The following BCAS3 variants were observed in gnomAD, a reference collection of about 807,000 sequenced individuals.
BCAS3 encodes BCAS4/BCAS3 fusion.
A neutral mutation model predicts 116.1 loss-of-function variants in BCAS3; 53 were observed. The ratio of observed to expected loss-of-function variants is 0.46; its 90% CI spans 0.37 to 0.57. The LOEUF (loss-of-function observed/expected upper bound fraction) is 0.57, where lower values mean the gene tolerates loss of function less well. Among genes scored for constraint, BCAS3 ranks in the 20% least tolerant of loss-of-function variants. BCAS3 has a pLI of 0.00. For synonymous variants in BCAS3, 391 were observed against 408.2 expected (o/e 0.96, Z 0.51); for missense variants, 917 against 1,165.4 (o/e 0.79, Z 3.10).
intron 11 of BCAS3, among the ~76,000 whole-genome samples, chr17:60,908,484 A>G (rs1567842831): frequency 6.6e-6 from 1 of 152,182 alleles, no homozygotes; most frequent in African/African-American, 2.4e-5. Flanking sequence ...ATTAGCATTA[A>G]TGGAGTGAGT....
At chr17:60,832,995 T>C (rs960138648) in intron 7 of BCAS3, among the ~76,000 whole-genome samples, 3 of 152,200 alleles carry the variant, frequency 2.0e-5, no homozygotes, top group South Asian at 2.1e-4. Flanking sequence ...TTCTATACAA[T>C]GTAAAATACA....
At chr17:60,856,360 G>C (rs1277861443) in intron 7 of BCAS3, among the ~76,000 whole-genome samples, 1 of 152,168 alleles carries the variant, frequency 6.6e-6, no homozygotes, top group Non-Finnish European at 1.5e-5. Flanking sequence ...TTGTAGCTAA[G>C]TATAATTATT....
At chr17:61,091,874 G>T (rs1195905872) in intron 22 of BCAS3, among the ~76,000 whole-genome samples, 1 of 152,302 alleles carries the variant, frequency 6.6e-6, no homozygotes, top group East Asian at 1.9e-4. Context: ...CACCTCTGAA[G>T]ATGTTTTTAA....
At chr17:60,802,589 A>G (rs2047911540) in intron 6 of BCAS3, among the ~76,000 whole-genome samples, 1 of 152,088 alleles carries the variant, frequency 6.6e-6, no homozygotes, top group African/African-American at 2.4e-5. Context: ...CTGTTTGCAC[A>G]TGATTGTCAG....
intron 23 of BCAS3, among the ~76,000 whole-genome samples, chr17:61,369,764 C>T (rs1225228602): frequency 6.6e-6 from 1 of 152,232 alleles, no homozygotes; most frequent in Non-Finnish European, 1.5e-5. Flanking sequence ...TGTCATCATG[C>T]CACTGTTCTC....
rs1471696309 is a variant in BCAS3, at chr17:61,007,254, A to T, written c.1487-8497A>T. On this transcript the variant is annotated intron_variant, in intron 15 of 23. Transcript: ENST00000407086. This position sits in a 1 kb window ranked among gnomAD's most constrained non-coding sequence, Gnocchi z 4.3. ...TTGATTTCATCTCCTTTTCTAGGGA[A>T]TTTTTGCCTCCTAAGTTTTCAATAT... Among the ~76,000 whole-genome samples the T allele has an allele frequency of 1.3e-5, 2 of 151,918 alleles. No homozygotes were observed. Among genetic ancestry groups the T allele is most frequent in the Non-Finnish European group, 2.9e-5 (2 of 67,948 alleles).
At chr17:61,005,818 T>A (rs913989634) in intron 15 of BCAS3, among the ~76,000 whole-genome samples, 2 of 151,782 alleles carry the variant, frequency 1.3e-5, no homozygotes, top group African/African-American at 4.8e-5. Context: ...TTATTATACT[T>A]TAAGTTTTAG....
chr17:61,149,583 AT>A (rs1347180370), intron 22 of BCAS3, among the ~76,000 whole-genome samples: 4 of 152,256 alleles, frequency 2.6e-5, no homozygotes, highest in Non-Finnish European at 5.9e-5. Flanking sequence ...CATATGAGAG[AT>A]TTGTGAACAG....
rs772707440 is a variant in BCAS3 at position 61,302,675 on chromosome 17, G to C, written c.2426-65652G>C. Among the ~76,000 whole-genome samples the C allele has an allele frequency of 1.3e-5, 2 of 152,132 alleles. No individual in the cohort carries two copies. The highest frequency in any genetic ancestry group is 1.3e-4 in the Admixed American group (2 of 15,274). ...TACATTGATGAGTGACAGAATTCTA[G>C]AATTCATATTTTTTTTTCAGCTTTG... On this transcript the variant is annotated intron_variant, in intron 22 of 23. Transcript: ENST00000407086. This position sits in a 1 kb window ranked among gnomAD's most constrained non-coding sequence, Gnocchi z 4.4.
intron 22 of BCAS3, among the ~76,000 whole-genome samples, chr17:61,202,230 C>T (rs985296382): frequency 1.1e-4 from 17 of 150,816 alleles, no homozygotes; most frequent in South Asian, 2.1e-4. Context: ...CTCTGCCTCC[C>T]GGGTTCACGC....
chr17:61,148,140 CTG>C (rs968033173), intron 22 of BCAS3, among the ~76,000 whole-genome samples: 1 of 152,024 alleles, frequency 6.6e-6, no homozygotes, highest in Non-Finnish European at 1.5e-5. Context: ...GTTTAGAAAA[CTG>C]TGTGTGTGTG....
chr17:61,079,882 A>ATTT lies in BCAS3; in HGVS notation c.2327+1378_2327+1380dup, dbSNP rs745702399. Among the ~76,000 whole-genome samples, 126 of 65,888 alleles carry ATTT rather than the reference A, an allele frequency of 1.9e-3. 11 individuals are homozygous for ATTT. The highest frequency in any genetic ancestry group is 0.015 in the East Asian group (34 of 2,244). 43.2% of individuals were successfully genotyped at this position (65,888 alleles called of 152,430 possible). Reference sequence around the variant, plus strand: ...AAATGCTGGGATTACAGGCATGAGTATTTTTTTTTTTTTTTTTTTTTTTTT... The same window carrying ATTT: ...AAATGCTGGGATTACAGGCATGAGTATTTTTTTTTTTTTTTTTTTTTTTTTTTT... On this transcript the variant is annotated intron_variant, in intron 21 of 23. Transcript: ENST00000407086.
rs1215359705 is a variant in BCAS3, at chr17:61,106,099, A to G, written c.2425+21535A>G. ...AACCTTTATTTTACTTAATGGCCCC[A>G]AAGCACAAGGGTTGATGCTGGCATA... On this transcript the variant is annotated intron_variant, in intron 22 of 23. Transcript: ENST00000407086. This position sits in a 1 kb window ranked among gnomAD's most constrained non-coding sequence, Gnocchi z 4.2. Among the ~76,000 whole-genome samples, 1 of 152,198 alleles carries G rather than the reference A, an allele frequency of 6.6e-6. No homozygotes were observed. The highest frequency in any genetic ancestry group is 6.5e-5 in the Admixed American group (1 of 15,284).
chr17:60,877,002 T>C (rs1292769863), intron 9 of BCAS3, among the ~76,000 whole-genome samples: 1 of 152,114 alleles, frequency 6.6e-6, no homozygotes, highest in Non-Finnish European at 1.5e-5. Context: ...CAAGTGGTTC[T>C]TTTTCAGAAT....
intron 6 of BCAS3, among the ~76,000 whole-genome samples, chr17:60,807,328 A>G (rs924397900): frequency 2.0e-5 from 3 of 152,150 alleles, no homozygotes; most frequent in African/African-American, 7.2e-5. Flanking sequence ...GGAATGACCT[A>G]TAGTTTTATA....
chr17:61,036,096 T>C (rs545508832), intron 17 of BCAS3: 1 of 152,362 alleles, frequency 6.6e-6, no homozygotes, highest in African/African-American at 2.4e-5. Context: ...TTATAGCATG[T>C]GAATCCTTAT....
chr17:60,715,485 C>T (rs1258012100), intron 5 of BCAS3, among the ~76,000 whole-genome samples: 1 of 151,788 alleles, frequency 6.6e-6, no homozygotes, highest in African/African-American at 2.4e-5. Flanking sequence ...AAATATCATA[C>T]TTCTTATTTA....
rs2057651878 is a variant in BCAS3, at chr17:61,348,727, C to A, written c.2426-19600C>A. The stretch of plus-strand genomic sequence containing the variant: ...ATGATCATGGGAGGACAGTCACGTG[C>A]TTCTTGCAACCTCTTGGGCAGAGAT... On this transcript the variant is annotated intron_variant, in intron 22 of 23. Transcript: ENST00000407086. The surrounding 1 kb of genome is among the most constrained non-coding windows in gnomAD (Gnocchi z 4.5). Among the ~76,000 whole-genome samples, 1 of 150,264 alleles carries A rather than the reference C, an allele frequency of 6.7e-6. No individual in the cohort carries two copies.
chr17:60,708,494 T>G (rs73334311), intron 4 of BCAS3, among the ~76,000 whole-genome samples: 10,629 of 152,062 alleles, frequency 0.07, 1,236 homozygotes, highest in African/African-American at 0.24. Context: ...GAGTATCTAG[T>G]ACTGTAAGTG....
Sources: gnomAD v4.1 joint callset for allele counts (sites outside exome capture counted in the v4.1 genomes callset) on GRCh38, gnomAD v4.1.1 for gene constraint, Gnocchi (gnomAD v3.1) non-coding constraint, MANE v1.5 for transcripts, NCBI Gene and HGNC (gene_info 2026-07-23, HGNC 2026-07-21) for gene names.